TACC2: variants seen among roughly 807,000 people sequenced by gnomAD.
TACC2 encodes the protein transforming acidic coiled-coil-containing protein 2.
A neutral mutation model predicts 227.3 loss-of-function variants in TACC2; 137 were observed. That is an observed-to-expected ratio of 0.60 (90% CI 0.52 to 0.69). TACC2 has a LOEUF of 0.69. Among genes scored for constraint, TACC2 ranks in the 30% least tolerant of loss-of-function variants. TACC2 has a pLI of 0.00. For synonymous variants in TACC2, 1,523 were observed against 1,487.5 expected, an observed-to-expected ratio of 1.02 and a Z score of -0.55; for missense variants, 3,470 against 3,694.4, an observed-to-expected ratio of 0.94 and a Z score of 1.57.
intron 7 of TACC2, among the ~76,000 whole-genome samples, chr10:122,162,654 C>G (rs925654766): frequency 1.3e-5 from 2 of 152,198 alleles, no homozygotes; most frequent in Non-Finnish European, 2.9e-5. Context: ...GATCTCAAGT[C>G]TTGAGGGTTT....
intron 6 of TACC2, among the ~76,000 whole-genome samples, chr10:122,142,367 G>A (rs1276260263): frequency 2.0e-5 from 3 of 152,214 alleles, no homozygotes; most frequent in South Asian, 2.1e-4. Flanking sequence ...CCCTGTCCTC[G>A]TGGAGCTCTG....
chr10:121,990,973 AG>A (rs1953006482), intron 1 of TACC2, among the ~76,000 whole-genome samples: 1 of 151,880 alleles, frequency 6.6e-6, no homozygotes, highest in South Asian at 2.1e-4. Flanking sequence ...TTTTTAGTAG[AG>A]ATGATTTTGC....
In TACC2 at chr10:122,086,920, A is replaced by G; in HGVS notation, c.4420A>G (p.Lys1474Glu). 2 of 1,613,938 alleles carry G rather than the reference A, an allele frequency of 1.2e-6. No homozygotes were observed. Among genetic ancestry groups the G allele is most frequent in the Non-Finnish European group, 1.7e-6 (2 of 1,180,034 alleles). The change falls in exon 4 of 23, where the codon AAG becomes GAG. Residue 1474 changes from lysine to glutamate, a missense_variant. This residue lies in a region of TACC2 where 1,924 missense variants were observed against 1,978.3 expected (regional missense o/e 0.97). Coordinates refer to ENST00000369005, the MANE Select transcript of TACC2 (RefSeq NM_206862.4). ...PAPPARLQVE[K>E]KQQLAGEAEI... Reference sequence around the variant, plus strand: ...ACCTCCTGCTCGACTCCAGGTGGAGAAGAAGCAACAGTTGGCTGGAGAGGC... The same window carrying G: ...ACCTCCTGCTCGACTCCAGGTGGAGGAGAAGCAACAGTTGGCTGGAGAGGC...
intron 5 of TACC2, among the ~76,000 whole-genome samples, chr10:122,115,500 G>T (rs750146355): frequency 6.6e-6 from 1 of 152,318 alleles, no homozygotes; most frequent in East Asian, 1.9e-4. Context: ...GGCGTCTAGT[G>T]GGGGAGGGCT....
rs1405161382 is a variant in TACC2, at chr10:122,234,053, ACTCCTGGC to A, written c.8128-3338_8128-3331del. Reference sequence around the variant, plus strand: ...GCTGTCATCTCCCTAGCTCATCCTGACTCCTGGCCTCACCCCTCCGTGGCCCCTCTGGC... The same window carrying A: ...GCTGTCATCTCCCTAGCTCATCCTGACTCACCCCTCCGTGGCCCCTCTGGC... On this transcript the variant is annotated intron_variant, in intron 16 of 22. Transcript: ENST00000369005. 5.3e-5 allele frequency among the ~76,000 whole-genome samples: 8 copies of A among 151,286 alleles called. No homozygotes were observed. In the South Asian group the frequency reaches 1.0e-3, roughly 20 times the overall value.
At chr10:121,994,229 G>T (rs1386709412) in intron 1 of TACC2, among the ~76,000 whole-genome samples, 4 of 152,176 alleles carry the variant, frequency 2.6e-5, no homozygotes, top group Non-Finnish European at 5.9e-5. Flanking sequence ...GTCAGCTGAG[G>T]CTGGTGATGA....
chr10:122,066,100 C>T (rs1293364166), intron 3 of TACC2, among the ~76,000 whole-genome samples: 2 of 143,520 alleles, frequency 1.4e-5, no homozygotes, highest in Non-Finnish European at 1.5e-5. Flanking sequence ...AAAATCTATA[C>T]TTTTTTTTTT....
intron 5 of TACC2, among the ~76,000 whole-genome samples, chr10:122,117,837 A>C (rs1427817087): frequency 6.6e-6 from 1 of 152,102 alleles, no homozygotes; most frequent in East Asian, 1.9e-4. Flanking sequence ...TTCTAAATTG[A>C]CAAGAGACAG....
intron 6 of TACC2, among the ~76,000 whole-genome samples, chr10:122,139,293 G>A (rs1192885834): frequency 6.6e-6 from 1 of 152,234 alleles, no homozygotes; most frequent in African/African-American, 2.4e-5. Flanking sequence ...CCCAGCGCCC[G>A]CTGGAAATCT....
At chr10:122,081,035 C>T (rs1369150762) in intron 3 of TACC2, among the ~76,000 whole-genome samples, 1 of 152,082 alleles carries the variant, frequency 6.6e-6, no homozygotes, top group African/African-American at 2.4e-5. Context: ...TATATATGAT[C>T]ATAACAAGTA....
chr10:122,077,834 G>C (rs1269614440), intron 3 of TACC2, among the ~76,000 whole-genome samples: 1 of 152,146 alleles, frequency 6.6e-6, no homozygotes, highest in East Asian at 1.9e-4. Context: ...TCGGGAAAAT[G>C]TCCTTGTGTG....
intron 7 of TACC2, among the ~76,000 whole-genome samples, chr10:122,179,200 T>C (rs2093869544): frequency 6.6e-6 from 1 of 152,206 alleles, no homozygotes; most frequent in African/African-American, 2.4e-5. Flanking sequence ...GGTCTGAGCA[T>C]CTATTTAAAC....
At chr10:122,111,848 A>G (rs1049696339) in intron 5 of TACC2, among the ~76,000 whole-genome samples, 6 of 152,252 alleles carry the variant, frequency 3.9e-5, no homozygotes, top group African/African-American at 1.4e-4. Flanking sequence ...AAACTAGCCT[A>G]TTTGGGTCTC....
intron 7 of TACC2, among the ~76,000 whole-genome samples, chr10:122,167,935 C>T (rs1456359659): frequency 1.3e-5 from 2 of 151,766 alleles, no homozygotes; most frequent in Non-Finnish European, 2.9e-5. Flanking sequence ...TGCGCAGGCT[C>T]ATATGTAACA....
At chr10:122,201,130 C>T (rs947447428) in intron 8 of TACC2, among the ~76,000 whole-genome samples, 1 of 149,248 alleles carries the variant, frequency 6.7e-6, no homozygotes, top group African/African-American at 2.5e-5. Flanking sequence ...GCCACCTCAC[C>T]TGCCCACAGT....
At chr10:122,228,325 G>T (rs535904909) in intron 14 of TACC2, among the ~76,000 whole-genome samples, 3 of 152,298 alleles carry the variant, frequency 2.0e-5, no homozygotes, top group South Asian at 2.1e-4. Flanking sequence ...GTCCTCTGCC[G>T]CTTCGTCCTT....
chr10:122,030,805 A>G (rs1958846293), intron 2 of TACC2, among the ~76,000 whole-genome samples: 1 of 152,074 alleles, frequency 6.6e-6, no homozygotes, highest in African/African-American at 2.4e-5. Context: ...GGAATGAAGC[A>G]TGGGTGTGTC....
intron 1 of TACC2, among the ~76,000 whole-genome samples, chr10:122,008,264 A>ATTTTAT (rs372529209): frequency 1.5e-5 from 2 of 134,654 alleles, no homozygotes; most frequent in African/African-American, 2.8e-5. Context: ...TATTATTATT[A>ATTTTAT]TTTTTTTTTT....
At chr10:122,253,666 C>T in intron 22 of TACC2, among the ~76,000 whole-genome samples, 1 of 152,240 alleles carries the variant, frequency 6.6e-6, no homozygotes, top group East Asian at 1.9e-4. Context: ...GGGAAAGGAA[C>T]CAGACTAGTT....
Sources: allele counts gnomAD v4.1 joint callset (sites outside exome capture counted in the v4.1 genomes callset), GRCh38; gene constraint gnomAD v4.1.1; regional missense constraint gnomAD v4.1.1; transcripts MANE v1.5; gene names NCBI Gene and HGNC (gene_info 2026-07-23, HGNC 2026-07-21).